ATP8A1: variants seen among roughly 807,000 people sequenced by gnomAD.
ATP8A1 encodes the protein phospholipid-transporting ATPase IA.
ATP8A1 carries 90 observed loss-of-function variants against 177.7 expected under a neutral mutation model. That is an observed-to-expected ratio of 0.51 (90% CI 0.43 to 0.60). ATP8A1 has a LOEUF of 0.60. ATP8A1 is among the 20% of genes least tolerant of loss of function. ATP8A1 has a pLI of 0.00. For missense variants in ATP8A1, 1,072 were observed against 1,392.8 expected, an observed-to-expected ratio of 0.77 and a Z score of 3.67; for synonymous variants, 493 against 485.9, an observed-to-expected ratio of 1.01 and a Z score of -0.19.
intron 22 of ATP8A1, among the ~76,000 whole-genome samples, chr4:42,521,749 T>C (rs547270084): frequency 8.5e-5 from 13 of 152,354 alleles, no homozygotes; most frequent in Admixed American, 1.3e-4. Context: ...TTATCAGCTA[T>C]GCAAGCTGTG....
At position 42,488,719 on chromosome 4, in the gene ATP8A1, C is replaced by A. The variant is rs142669763; in HGVS notation, c.2152-3051G>T. On this transcript the variant is annotated intron_variant, in intron 24 of 36. Coordinates refer to ENST00000381668, the MANE Select transcript of ATP8A1 (RefSeq NM_006095.2). The stretch of plus-strand genomic sequence containing the variant: ...TTCACAATCTTGGTTTCTTTTGTTT[C>A]CCTCTTCCTGGAATGTCCTCCTCTC... 9.2e-5 allele frequency among the ~76,000 whole-genome samples: 14 copies of A among 152,274 alleles called. No homozygotes were observed. In the East Asian group the frequency reaches 2.7e-3, roughly 29 times the overall value.
At chr4:42,618,621 A>C (rs1737146648) in intron 4 of ATP8A1, among the ~76,000 whole-genome samples, 1 of 152,158 alleles carries the variant, frequency 6.6e-6, no homozygotes, top group African/African-American at 2.4e-5. Context: ...ATAAATATTT[A>C]CTAAACACTG....
At chr4:42,504,470 A>G (rs1037949474) in intron 23 of ATP8A1, among the ~76,000 whole-genome samples, 3 of 152,126 alleles carry the variant, frequency 2.0e-5, no homozygotes, top group African/African-American at 7.2e-5. Context: ...TACCTGATCT[A>G]TTTCTTTCTC....
intron 35 of ATP8A1, among the ~76,000 whole-genome samples, chr4:42,416,212 C>T (rs762294687): frequency 2.6e-5 from 4 of 152,104 alleles, no homozygotes; most frequent in Non-Finnish European, 4.4e-5. Context: ...TTGAGGAAGT[C>T]GCAGCTTTAG....
chr4:42,637,111 T>C, intron 1 of ATP8A1: 2 of 518,588 alleles, frequency 3.9e-6, no homozygotes, highest in Non-Finnish European at 7.7e-6. Context: ...TGGCTAGCCT[T>C]CTACAAGAAG....
At chr4:42,589,123 C>T (rs946499866) in intron 7 of ATP8A1, among the ~76,000 whole-genome samples, 17 of 152,258 alleles carry the variant, frequency 1.1e-4, no homozygotes, top group African/African-American at 4.1e-4. Flanking sequence ...TTTATCACAC[C>T]ACCACAGCCC....
chr4:42,430,548 T>C (rs1715161638), intron 33 of ATP8A1, among the ~76,000 whole-genome samples: 1 of 152,008 alleles, frequency 6.6e-6, no homozygotes, highest in African/African-American at 2.4e-5. Flanking sequence ...GGTAAACTTG[T>C]GTCATGGGGG....
chr4:42,503,409 A>G (rs754081159), intron 24 of ATP8A1, 41 bp downstream of exon 24: 3 of 1,148,760 alleles, frequency 2.6e-6, no homozygotes, highest in Non-Finnish European at 1.3e-6. Flanking sequence ...TAGCATGAAT[A>G]TATTATTAAA....
intron 23 of ATP8A1, among the ~76,000 whole-genome samples, chr4:42,506,263 A>G (rs566460805): frequency 6.6e-6 from 1 of 152,260 alleles, no homozygotes; most frequent in South Asian, 2.1e-4. Flanking sequence ...GAGCTCATGA[A>G]TAGGACTGGT....
At chr4:42,496,356 A>C (rs1386227225) in intron 24 of ATP8A1, among the ~76,000 whole-genome samples, 1 of 152,220 alleles carries the variant, frequency 6.6e-6, no homozygotes, top group Non-Finnish European at 1.5e-5. Flanking sequence ...ACCACCACTG[A>C]AAGCCTCCTA....
chr4:42,578,529 A>G (rs1332387205), intron 11 of ATP8A1, 142 bp from the exon 12 acceptor site: 8 of 862,444 alleles, frequency 9.3e-6, no homozygotes, highest in Non-Finnish European at 1.2e-5. Context: ...ATCTATCCTA[A>G]TTCTCAAGTA....
chr4:42,422,421 C>T (rs764474972), intron 35 of ATP8A1, among the ~76,000 whole-genome samples: 3 of 152,172 alleles, frequency 2.0e-5, no homozygotes, highest in Non-Finnish European at 4.4e-5. Context: ...GATACTATTT[C>T]AAGCTAAAAG....
intron 31 of ATP8A1, 97 bp from the exon 32 acceptor site, chr4:42,444,731 C>T: frequency 8.1e-7 from 1 of 1,227,330 alleles, no homozygotes. Context: ...CTGAATGTAA[C>T]TATGGGACTA....
chr4:42,461,599 T>C (rs1719166189), intron 27 of ATP8A1, among the ~76,000 whole-genome samples: 1 of 152,182 alleles, frequency 6.6e-6, no homozygotes. Flanking sequence ...AACCTCTTTC[T>C]TTTGTAAATT....
At chr4:42,478,696 G>A (rs1013505775) in intron 25 of ATP8A1, among the ~76,000 whole-genome samples, 6 of 152,152 alleles carry the variant, frequency 3.9e-5, no homozygotes, top group Non-Finnish European at 8.8e-5. Context: ...GGTTTTCCTA[G>A]AACAGAGGGA....
chr4:42,499,321 C>G (rs1723587022), intron 24 of ATP8A1, among the ~76,000 whole-genome samples: 1 of 152,138 alleles, frequency 6.6e-6, no homozygotes, highest in Non-Finnish European at 1.5e-5. Flanking sequence ...TTCTACCCCA[C>G]TTTTGTTTTC....
At chr4:42,507,715 GC>G (rs1368326715) in intron 22 of ATP8A1, among the ~76,000 whole-genome samples, 8 of 104,894 alleles carry the variant, frequency 7.6e-5, no homozygotes, top group African/African-American at 2.9e-4. Context: ...GGGCAAGAGA[GC>G]GAGACTCCAT....
chr4:42,511,577 G>A (rs1206447773), intron 22 of ATP8A1, among the ~76,000 whole-genome samples: 1 of 152,100 alleles, frequency 6.6e-6, no homozygotes, highest in African/African-American at 2.4e-5. Flanking sequence ...ACCTAGTAAA[G>A]CCTCCAGTAA....
chr4:42,457,826 T>C (rs1297001452), intron 27 of ATP8A1, among the ~76,000 whole-genome samples: 1 of 152,224 alleles, frequency 6.6e-6, no homozygotes, highest in East Asian at 1.9e-4. Context: ...CATGTTTGTT[T>C]CCAAAGTGTA....
Sources: allele counts gnomAD v4.1 joint callset (sites outside exome capture counted in the v4.1 genomes callset), GRCh38; gene constraint gnomAD v4.1.1; transcripts MANE v1.5; gene names NCBI Gene and HGNC (gene_info 2026-07-23, HGNC 2026-07-21).